CDYL: variants seen among roughly 807,000 people sequenced by gnomAD.
CDYL encodes chromodomain Y-like protein.
CDYL carries 8 observed loss-of-function variants against 47.3 expected under a neutral mutation model. The observed-to-expected ratio is 0.17, with a 90% confidence interval of 0.10 to 0.31. The LOEUF (loss-of-function observed/expected upper bound fraction) is 0.31, where lower values mean the gene tolerates loss of function less well. Among genes scored for constraint, CDYL ranks in the 10% least tolerant of loss-of-function variants. CDYL has a pLI of 1.00. For synonymous variants in CDYL, 266 were observed against 265.0 expected (o/e 1.00, Z -0.04); for missense variants, 471 against 701.4 (o/e 0.67, Z 3.71).
intron 1 of CDYL, among the ~76,000 whole-genome samples, chr6:4,873,733 A>G (rs575940603): frequency 1.3e-5 from 2 of 152,338 alleles, no homozygotes; most frequent in South Asian, 2.1e-4. Context: ...TTCTGTCATT[A>G]TTGAAGAAAT....
intron 1 of CDYL, among the ~76,000 whole-genome samples, chr6:4,884,400 C>G (rs1254097319): frequency 6.6e-6 from 1 of 152,112 alleles, no homozygotes; most frequent in Non-Finnish European, 1.5e-5. Context: ...ATGTGTGAGA[C>G]AAATTGAGTG....
chr6:4,819,158 C>CTGTG (rs1447808844), intron 1 of CDYL, among the ~76,000 whole-genome samples: 14 of 129,058 alleles, frequency 1.1e-4, no homozygotes, highest in African/African-American at 5.4e-4. Flanking sequence ...CTCTCTCTCT[C>CTGTG]TCTCTGTGTG....
chr6:4,788,480 CAAAAAAAAAA>C (rs1220969716), intron 1 of CDYL, among the ~76,000 whole-genome samples: 2 of 61,064 alleles, frequency 3.3e-5, no homozygotes, highest in Admixed American at 2.3e-4. Flanking sequence ...GAGACTCTGT[CAAAAAAAAAA>C]AAAAAAAAAA....
At chr6:4,874,761 C>T (rs1761573874) in intron 1 of CDYL, among the ~76,000 whole-genome samples, 1 of 152,240 alleles carries the variant, frequency 6.6e-6, no homozygotes, top group South Asian at 2.1e-4. Context: ...TCTCATGTCC[C>T]TTTCCACAGG....
At chr6:4,834,348 G>GATATGA (rs1760231307) in intron 1 of CDYL, among the ~76,000 whole-genome samples, 1 of 148,612 alleles carries the variant, frequency 6.7e-6, no homozygotes. Context: ...AGTTTGGCTG[G>GATATGA]ATATGAAATT....
intron 2 of CDYL, among the ~76,000 whole-genome samples, chr6:4,894,923 A>ATG (rs1491241968): frequency 3.0e-3 from 148 of 49,736 alleles, no homozygotes; most frequent in Middle Eastern, 0.012. Flanking sequence ...ATATATACAC[A>ATG]TATGTATGTG....
intron 1 of CDYL, among the ~76,000 whole-genome samples, chr6:4,879,583 A>T (rs1363816947): frequency 8.9e-6 from 1 of 112,640 alleles, no homozygotes; most frequent in South Asian, 2.9e-4. Context: ...TTTGAGACAG[A>T]GTTTCGCTCT....
chr6:4,775,811 GCCGGCCCTTCGCGGGCTGGC>G (rs1010338047), upstream of CDYL, among the ~76,000 whole-genome samples: 8 of 150,266 alleles, frequency 5.3e-5, no homozygotes, highest in African/African-American at 1.9e-4. The surrounding 1 kb of genome is among the most constrained non-coding windows in gnomAD (Gnocchi z 7.0). Flanking sequence ...TGGCCACGCC[GCCGGCCCTTCGCGGGCTGGC>G]CCGGCCCCGG....
At chr6:4,771,114 C>T (rs1394928458) in intron 3 of CDYL, among the ~76,000 whole-genome samples, 1 of 147,908 alleles carries the variant, frequency 6.8e-6, no homozygotes, top group Non-Finnish European at 1.5e-5. Flanking sequence ...AGAATTTGCA[C>T]TTTTTTTTTT....
chr6:4,865,441 C>T (rs1256579764), intron 1 of CDYL, among the ~76,000 whole-genome samples: 1 of 152,174 alleles, frequency 6.6e-6, no homozygotes, highest in Non-Finnish European at 1.5e-5. Context: ...GGTTTATTCT[C>T]GCCATTGCTC....
intron 1 of CDYL, among the ~76,000 whole-genome samples, chr6:4,877,927 A>G (rs1411002917): frequency 6.6e-6 from 1 of 152,110 alleles, no homozygotes; most frequent in Non-Finnish European, 1.5e-5. Context: ...GGGAAATTTT[A>G]TATTAATATT....
At chr6:4,952,220 C>T (rs201703244) in intron 5 of CDYL, 46 bp from the exon 6 acceptor site, 1,194 of 1,590,844 alleles carry the variant, frequency 7.5e-4, no homozygotes, top group Non-Finnish European at 8.8e-4. Context: ...CTTCCCCGCC[C>T]GCCTCCCACC....
chr6:4,759,083 C>G (rs1758128081), intron 3 of CDYL, among the ~76,000 whole-genome samples: 3 of 151,736 alleles, frequency 2.0e-5, no homozygotes, highest in Admixed American at 2.0e-4. Context: ...ATTCTCCTGC[C>G]TCAGCCTCCC....
At chr6:4,712,099 AAC>A (rs764125973) in intron 1 of CDYL, among the ~76,000 whole-genome samples, 9 of 152,120 alleles carry the variant, frequency 5.9e-5, no homozygotes, top group Non-Finnish European at 1.0e-4. Context: ...AAAAATATAT[AAC>A]AGTTAAGTAG....
intron 1 of CDYL, among the ~76,000 whole-genome samples, chr6:4,779,636 G>C (rs1056680723): frequency 3.3e-5 from 5 of 152,214 alleles, no homozygotes; most frequent in Non-Finnish European, 7.3e-5. Context: ...GGATGGAATA[G>C]ATTTACTCCC....
chr6:4,859,651 G>A (rs1293901278), intron 1 of CDYL, among the ~76,000 whole-genome samples: 2 of 152,142 alleles, frequency 1.3e-5, no homozygotes, highest in East Asian at 1.9e-4. Flanking sequence ...AAAGTTTTAG[G>A]GACTCTGCCT....
chr6:4,867,131 G>C (rs1178307334), intron 1 of CDYL, among the ~76,000 whole-genome samples: 1 of 151,854 alleles, frequency 6.6e-6, no homozygotes, highest in African/African-American at 2.4e-5. Flanking sequence ...TAAAATACTT[G>C]TTGTAACTGT....
intron 2 of CDYL, among the ~76,000 whole-genome samples, chr6:4,910,799 GT>G (rs1158864688): frequency 1.3e-5 from 2 of 152,052 alleles, no homozygotes; most frequent in Non-Finnish European, 2.9e-5. Flanking sequence ...GTTTCTGATG[GT>G]TTATACACCT....
At chr6:4,807,121 A>G (rs1342467847) in intron 1 of CDYL, among the ~76,000 whole-genome samples, 3 of 152,090 alleles carry the variant, frequency 2.0e-5, no homozygotes, top group African/African-American at 7.2e-5. Flanking sequence ...CACCCTCTAG[A>G]TCTCATGTTA....
Sources: gnomAD v4.1 joint callset for allele counts (sites outside exome capture counted in the v4.1 genomes callset) on GRCh38, gnomAD v4.1.1 for gene constraint, Gnocchi (gnomAD v3.1) non-coding constraint, MANE v1.5 for transcripts, NCBI Gene and HGNC (gene_info 2026-07-23, HGNC 2026-07-21) for gene names.